Variants in RABEP1 observed in about 807,000 individuals in gnomAD.
The protein encoded by RABEP1 is rabaptin, RAB GTPase binding effector protein 1.
Under a neutral mutation model 123.4 loss-of-function variants are expected in RABEP1, and 51 were observed. The observed-to-expected ratio is 0.41, with a 90% CI of 0.33 to 0.52. The LOEUF (loss-of-function observed/expected upper bound fraction) is 0.52, where lower values mean the gene tolerates loss of function less well. RABEP1 is among the 20% of genes least tolerant of loss of function. RABEP1 has a pLI of 0.16. For missense variants in RABEP1, 888 were observed against 996.3 expected, an observed-to-expected ratio of 0.89 and a Z score of 1.46; for synonymous variants, 347 against 355.2, an observed-to-expected ratio of 0.98 and a Z score of 0.26.
At chr17:5,333,626 A>C (rs1906774174) in intron 3 of RABEP1, among the ~76,000 whole-genome samples, 1 of 152,194 alleles carries the variant, frequency 6.6e-6, no homozygotes, top group South Asian at 2.1e-4. Flanking sequence ...GCTTCATATA[A>C]CAAACCCAAC....
intron 5 of RABEP1, among the ~76,000 whole-genome samples, chr17:5,338,621 C>G (rs1216032235): frequency 6.6e-6 from 1 of 152,112 alleles, no homozygotes; most frequent in Non-Finnish European, 1.5e-5. Flanking sequence ...TGGTTTTGCT[C>G]TTATGGACAT....
chr17:5,372,314 G>T (rs1419522820), intron 12 of RABEP1, among the ~76,000 whole-genome samples: 1 of 152,054 alleles, frequency 6.6e-6, no homozygotes, highest in East Asian at 1.9e-4. Flanking sequence ...GCGTGGTGGT[G>T]CGTGCCTGTA....
chr17:5,351,065 G>A (rs1038351951), intron 7 of RABEP1, among the ~76,000 whole-genome samples: 7 of 152,006 alleles, frequency 4.6e-5, no homozygotes, highest in Admixed American at 2.0e-4. Flanking sequence ...ATCAGCTATC[G>A]TTAGCGTCAG....
intron 1 of RABEP1, among the ~76,000 whole-genome samples, chr17:5,299,604 C>T (rs757084040): frequency 2.0e-5 from 3 of 146,606 alleles, no homozygotes; most frequent in African/African-American, 7.6e-5. Context: ...TTTTTAGTCA[C>T]GGTTTTATTT....
At chr17:5,348,845 G>A (rs571579793) in intron 6 of RABEP1, among the ~76,000 whole-genome samples, 3 of 152,304 alleles carry the variant, frequency 2.0e-5, no homozygotes, top group South Asian at 4.1e-4. Flanking sequence ...ACAGGCATGA[G>A]CCACTGCGCC....
chr17:5,377,898 C>T (rs1235951750), intron 14 of RABEP1, among the ~76,000 whole-genome samples: 1 of 152,100 alleles, frequency 6.6e-6, no homozygotes, highest in African/African-American at 2.4e-5. Context: ...AGTACTTGAA[C>T]CCAGAACCAG....
In RABEP1 at chr17:5,363,013, C is replaced by A. The variant is rs1354920614; in HGVS notation, c.1665C>A (p.Asp555Glu). Reference sequence around the variant, plus strand: ...AGATTCAGGAGGCTGAAACGAGAGACCAGGTGAGTTTCTTCTGGATGCGCC... The same window carrying A: ...AGATTCAGGAGGCTGAAACGAGAGAACAGGTGAGTTTCTTCTGGATGCGCC... The part of the protein sequence containing the change: ...GIQIQEAETR[D>E]QVKKLQLMLR... The change falls in exon 10 of 18, where the codon GAC becomes GAA. Residue 555 changes from aspartate (D) to glutamate (E), a missense_variant. Transcript: ENST00000537505. The A allele has an allele frequency of 1.2e-6, 2 of 1,608,590 alleles. No homozygotes were observed. Among genetic ancestry groups the A allele is most frequent in the Non-Finnish European group, 1.7e-6 (2 of 1,175,036 alleles).
At position 5,346,939 on chromosome 17, in the gene RABEP1, A is replaced by G. The variant is rs771548649; in HGVS notation, c.784+14A>G. ...AATTGCATGAAGGTAAATATACTGT[A>G]TATTTTTATCTTTGTCTCTAAGAAC... On this transcript the variant is annotated intron_variant, in intron 6 of 17. Coordinates refer to ENST00000537505, the MANE Select transcript of RABEP1 (RefSeq NM_004703.6). The G allele has an allele frequency of 2.6e-6, 4 of 1,555,404 alleles. No homozygotes were observed. The highest frequency in any genetic ancestry group is 3.5e-6 in the Non-Finnish European group (4 of 1,148,942).
chr17:5,361,042 T>C (rs369266669), intron 8 of RABEP1, 166 bp from the exon 9 acceptor site: 27 of 655,584 alleles, frequency 4.1e-5, no homozygotes, highest in Non-Finnish European at 6.7e-5. Context: ...CCTGGTTTTG[T>C]GTCCAGCATG....
intron 3 of RABEP1, among the ~76,000 whole-genome samples, chr17:5,334,886 C>A (rs1906914789): frequency 6.6e-6 from 1 of 152,134 alleles, no homozygotes; most frequent in African/African-American, 2.4e-5. Context: ...AGTTCGAATT[C>A]TAGCTTTGCT....
intron 5 of RABEP1, among the ~76,000 whole-genome samples, 188 bp from the exon 6 acceptor site, chr17:5,346,602 A>G (rs906574224): frequency 6.6e-6 from 1 of 152,226 alleles, no homozygotes; most frequent in African/African-American, 2.4e-5. Context: ...TATGGATAAC[A>G]TCTATTAAGT....
chr17:5,344,251 A>T (rs1199318445), intron 5 of RABEP1, among the ~76,000 whole-genome samples: 1 of 152,132 alleles, frequency 6.6e-6, no homozygotes, highest in African/African-American at 2.4e-5. Flanking sequence ...CAGCCTGGGC[A>T]ACATGGAGAA....
At chr17:5,333,957 C>T (rs182133099) in intron 3 of RABEP1, among the ~76,000 whole-genome samples, 4 of 151,964 alleles carry the variant, frequency 2.6e-5, no homozygotes, top group South Asian at 4.2e-4. Context: ...TTTAAAATTG[C>T]GCACATTGAT....
At position 5,381,482 on chromosome 17, in the gene RABEP1, G is replaced by A; in HGVS notation, c.2464G>A (p.Val822Ile). The change falls in exon 17 of 18, where the codon GTA becomes ATA. Residue 822 changes from valine to isoleucine, a missense_variant. Coordinates refer to ENST00000537505, the MANE Select transcript of RABEP1 (RefSeq NM_004703.6). ...DVSEQVQRDF[V>I]KLSQTLQVQL... is the part of the protein sequence containing the mutation. ...CAGTGAGCAAGTCCAGAGGGATTTT[G>A]TAAAGCTTTCACAGACCCTTCAGGT... is the stretch of plus-strand genomic sequence containing the variant. The A allele has an allele frequency of 6.2e-7, 1 of 1,613,486 alleles. No individual in the cohort carries two copies. The highest frequency in any genetic ancestry group is 8.5e-7 in the Non-Finnish European group (1 of 1,179,692).
At position 5,386,159 on chromosome 17, in the gene RABEP1, A is replaced by C; in HGVS notation, c.*2936A>C. On this transcript the variant is annotated 3_prime_UTR_variant, in exon 18 of 18. Transcript: ENST00000537505. ...CTACCTGTTTTACAATATGGGTTTA[A>C]GCCTTCAATGGTGTTCAGTTCAGGT... The C allele has an allele frequency of 2.8e-6, 4 of 1,424,808 alleles. No homozygotes were observed. The South Asian group carries it at 4.9e-5, about 18-fold the overall frequency. The allele number at this position is 1,424,808 out of a possible 1,614,324, so 88.3% of individuals were successfully genotyped here. A position where few individuals can be genotyped will look rare whatever the true frequency, so the allele number is the denominator to read the frequency against.
At chr17:5,374,730 C>T (rs1910845219) in intron 13 of RABEP1, among the ~76,000 whole-genome samples, 1 of 152,186 alleles carries the variant, frequency 6.6e-6, no homozygotes. Flanking sequence ...ACCTCTGTCT[C>T]CCAGGTTCAA....
chr17:5,360,192 C>T (rs535503912), intron 8 of RABEP1, among the ~76,000 whole-genome samples: 1 of 152,316 alleles, frequency 6.6e-6, no homozygotes, highest in African/African-American at 2.4e-5. Flanking sequence ...GATGGAATTA[C>T]ATAATATGTG....
intron 2 of RABEP1, among the ~76,000 whole-genome samples, chr17:5,327,685 C>T (rs1475149961): frequency 6.6e-6 from 1 of 152,070 alleles, no homozygotes; most frequent in African/African-American, 2.4e-5. Flanking sequence ...TCTGGTAGGG[C>T]AAATTTCCCC....
chr17:5,282,562 C>G, intron 1 of RABEP1, 42 bp downstream of exon 1: 4 of 1,136,432 alleles, frequency 3.5e-6, no homozygotes, highest in Non-Finnish European at 4.4e-6. Context: ...CGCGGCCTGC[C>G]CGGCGTCGGC....
Sources: gnomAD v4.1 joint callset for allele counts (sites outside exome capture counted in the v4.1 genomes callset) on GRCh38, gnomAD v4.1.1 for gene constraint, MANE v1.5 for transcripts, NCBI Gene and HGNC (gene_info 2026-07-23, HGNC 2026-07-21) for gene names.